The following RASGRF2 variants were observed in gnomAD, a reference collection of about 807,000 sequenced individuals.
The protein encoded by RASGRF2 is Ras protein specific guanine nucleotide releasing factor 2.
In RASGRF2, 76 loss-of-function variants were observed where a neutral mutation model predicts 151.0. The observed-to-expected ratio is 0.50, with a 90% confidence interval of 0.42 to 0.61. The LOEUF (loss-of-function observed/expected upper bound fraction) is 0.61. Ranked by LOEUF, RASGRF2 falls within the 20% of genes least tolerant of loss-of-function variation. The pLI, the probability that RASGRF2 is intolerant of heterozygous loss-of-function variation, is 0.00. For missense variants in RASGRF2, 1,148 were observed against 1,564.6 expected, an observed-to-expected ratio of 0.73 and a Z score of 4.49; for synonymous variants, 504 against 566.5, an observed-to-expected ratio of 0.89 and a Z score of 1.57.
At chr5:80,989,000 CAG>C (rs780175067) in intron 1 of RASGRF2, among the ~76,000 whole-genome samples, 3 of 150,418 alleles carry the variant, frequency 2.0e-5, no homozygotes, top group Non-Finnish European at 4.4e-5. Flanking sequence ...TTTTTTTAGA[CAG>C]AGTCTCGCTC....
At chr5:81,203,531 A>G (rs1755441601) in intron 19 of RASGRF2, among the ~76,000 whole-genome samples, 1 of 152,228 alleles carries the variant, frequency 6.6e-6, no homozygotes, top group South Asian at 2.1e-4. Context: ...CTTTCTGCTG[A>G]ATAATGACCT....
chr5:80,960,673 G>C lies in RASGRF2; in HGVS notation c.-66G>C. On this transcript the variant is annotated 5_prime_UTR_variant, in exon 1 of 27. Coordinates refer to ENST00000265080, the MANE Select transcript of RASGRF2 (RefSeq NM_006909.3). This position sits in a 1 kb window ranked among gnomAD's most constrained non-coding sequence, Gnocchi z 5.5. ...AGCGGTCGCGCCCTCGAGGGAGCCA[G>C]CTGGGCCATGGCCGCGAGGCAGGGG... is the stretch of plus-strand genomic sequence containing the variant. 3.0e-6 allele frequency: 4 copies of C among 1,339,614 alleles called. No homozygotes were observed. Among genetic ancestry groups the C allele is most frequent in the Non-Finnish European group, 3.9e-6 (4 of 1,028,046 alleles). 83.0% of individuals were successfully genotyped at this position (1,339,614 alleles called of 1,614,324 possible).
rs912599537 is a variant in RASGRF2, at chr5:81,226,083, T to C, written c.*313T>C. 12 of 229,774 alleles carry C rather than the reference T, an allele frequency of 5.2e-5. No individual in the cohort carries two copies. Among genetic ancestry groups the C allele is most frequent in the Non-Finnish European group, 9.2e-5 (11 of 119,038 alleles). 14.2% of individuals were successfully genotyped at this position (229,774 alleles called of 1,614,324 possible). On this transcript the variant is annotated 3_prime_UTR_variant, in exon 27 of 27. Transcript: ENST00000265080. ...GCAGGTAAATCGGTAAATTTTAAAC[T>C]CTGTCCATGTTCTGTTAGAACTCAG...
chr5:81,170,619 T>C (rs1314339523), intron 17 of RASGRF2, among the ~76,000 whole-genome samples: 1 of 152,170 alleles, frequency 6.6e-6, no homozygotes, highest in Non-Finnish European at 1.5e-5. Context: ...GTCTTTCTCT[T>C]CATTCATGTC....
chr5:81,134,204 T>G (rs895042824), intron 17 of RASGRF2, among the ~76,000 whole-genome samples: 4 of 152,126 alleles, frequency 2.6e-5, no homozygotes, highest in Non-Finnish European at 4.4e-5. Flanking sequence ...ATTTCATGAT[T>G]ATTTGATTAA....
chr5:81,092,398 C>T (rs1360124828), intron 9 of RASGRF2, among the ~76,000 whole-genome samples: 1 of 152,032 alleles, frequency 6.6e-6, no homozygotes, highest in African/African-American at 2.4e-5. Context: ...AGGAAGAATA[C>T]ATTGCATTTG....
chr5:81,183,458 G>T (rs541784439), intron 18 of RASGRF2: 2 of 287,394 alleles, frequency 7.0e-6, no homozygotes, highest in South Asian at 1.3e-4. Flanking sequence ...CCCATGTGGT[G>T]CTAGGATAGC....
chr5:81,079,584 T>C (rs1237248206), intron 5 of RASGRF2, among the ~76,000 whole-genome samples: 1 of 152,210 alleles, frequency 6.6e-6, no homozygotes, highest in Non-Finnish European at 1.5e-5. Context: ...AAGTTATGCA[T>C]CATCCTTATT....
intron 1 of RASGRF2, among the ~76,000 whole-genome samples, chr5:80,967,714 G>A (rs1747768204): frequency 6.6e-6 from 1 of 152,204 alleles, no homozygotes; most frequent in Non-Finnish European, 1.5e-5. Flanking sequence ...TAGAGGGACT[G>A]TTGAAAAGCT....
chr5:81,169,598 T>G (rs1034020203), intron 17 of RASGRF2, among the ~76,000 whole-genome samples: 1 of 152,224 alleles, frequency 6.6e-6, no homozygotes, highest in African/African-American at 2.4e-5. Context: ...ATAATCCACT[T>G]TGACATCTTA....
intron 17 of RASGRF2, among the ~76,000 whole-genome samples, chr5:81,164,621 T>A (rs1323489163): frequency 6.6e-6 from 1 of 152,238 alleles, no homozygotes; most frequent in African/African-American, 2.4e-5. Context: ...GGAAGTTGCA[T>A]AGAAAATACT....
At chr5:81,107,140 G>A (rs746725850) in intron 12 of RASGRF2, among the ~76,000 whole-genome samples, 6 of 147,750 alleles carry the variant, frequency 4.1e-5, no homozygotes, top group Admixed American at 6.9e-5. Flanking sequence ...TGGGAGGATC[G>A]CTTGAGCCCA....
At position 81,018,476 on chromosome 5, in the gene RASGRF2, C is replaced by CATAAT. The variant is rs563256467; in HGVS notation, c.289-24401_289-24400insATAAT. ...TACTTTACCCTTCTGAAGGGCCAGA[C>CATAAT]GTACCGGGAAAACATTAGTTGAAGC... is the stretch of plus-strand genomic sequence containing the variant. On this transcript the variant is annotated intron_variant, in intron 1 of 26. Transcript: ENST00000265080. 2.0e-5 allele frequency among the ~76,000 whole-genome samples: 3 copies of CATAAT among 152,174 alleles called. No homozygotes were observed. In the South Asian group the frequency reaches 6.2e-4, roughly 32 times the overall value.
chr5:81,040,705 A>G (rs758213004), intron 1 of RASGRF2, among the ~76,000 whole-genome samples: 6 of 152,028 alleles, frequency 3.9e-5, no homozygotes, highest in African/African-American at 9.7e-5. Context: ...TTTGCCTCTC[A>G]TTTTTGTTTC....
chr5:81,213,673 C>T (rs907872761), intron 23 of RASGRF2, among the ~76,000 whole-genome samples: 4 of 152,056 alleles, frequency 2.6e-5, no homozygotes, highest in African/African-American at 9.7e-5. Flanking sequence ...CATAGGAGAA[C>T]AATTTAATTT....
chr5:81,219,833 A>G (rs1193754301), intron 26 of RASGRF2, 55 bp downstream of exon 26: 2 of 1,403,408 alleles, frequency 1.4e-6, no homozygotes, highest in Non-Finnish European at 2.0e-6. Flanking sequence ...AAATTAATGA[A>G]TTAGAAAACA....
At chr5:81,167,816 G>T (rs4704705) in intron 17 of RASGRF2, among the ~76,000 whole-genome samples, 127,114 of 152,112 alleles carry the variant, frequency 0.84, 53,217 homozygotes, top group Admixed American at 0.89. Context: ...AGGCCGACTC[G>T]GCACTCAGAC....
At chr5:81,031,083 T>C (rs1561565325) in intron 1 of RASGRF2, among the ~76,000 whole-genome samples, 1 of 152,126 alleles carries the variant, frequency 6.6e-6, no homozygotes, top group Non-Finnish European at 1.5e-5. Context: ...AGGGATCAAT[T>C]CAACAAGAGG....
At chr5:80,998,438 C>T (rs1393707218) in intron 1 of RASGRF2, among the ~76,000 whole-genome samples, 9 of 152,010 alleles carry the variant, frequency 5.9e-5, no homozygotes, top group South Asian at 2.1e-4. Flanking sequence ...AGACAAAAGC[C>T]GAAAATAGGT....
Sources: allele counts gnomAD v4.1 joint callset (sites outside exome capture counted in the v4.1 genomes callset), GRCh38; gene constraint gnomAD v4.1.1; non-coding constraint Gnocchi (gnomAD v3.1); transcripts MANE v1.5; gene names NCBI Gene and HGNC (gene_info 2026-07-23, HGNC 2026-07-21).